RGS8: variants seen among roughly 807,000 people sequenced by gnomAD.
RGS8 encodes the protein regulator of G-protein signaling 8.
Under a neutral mutation model 21.7 loss-of-function variants are expected in RGS8, and 8 were observed. The ratio of observed to expected loss-of-function variants is 0.37; its 90% CI spans 0.22 to 0.66. The LOEUF (loss-of-function observed/expected upper bound fraction) is 0.66. Among genes scored for constraint, RGS8 ranks in the 30% least tolerant of loss-of-function variants. RGS8 has a pLI of 0.59. For missense variants in RGS8, 157 were observed against 217.9 expected (o/e 0.72, Z 1.76); for synonymous variants, 80 against 83.6 (o/e 0.96, Z 0.24).
chr1:182,665,981 G>A, exon 5 of RGS8: 1 of 1,613,392 alleles, frequency 6.2e-7, no homozygotes, highest in Non-Finnish European at 8.5e-7. Context: ...TTATGAGAGA[G>A]AAGCACATCA....
chr1:182,654,540 T>A (rs1557885951), intron 5 of RGS8, among the ~76,000 whole-genome samples: 2 of 152,176 alleles, frequency 1.3e-5, no homozygotes, highest in Non-Finnish European at 2.9e-5. Context: ...ACACATGAGA[T>A]AAAGTCACCA....
chr1:182,670,142 G>C (rs1270990712), intron 2 of RGS8, among the ~76,000 whole-genome samples: 1 of 152,200 alleles, frequency 6.6e-6, no homozygotes, highest in Admixed American at 6.5e-5. Context: ...AATCTGATTG[G>C]ATGCTGCTCT....
At chr1:182,741,921 C>CTGA in the RGS8 span, among the ~76,000 whole-genome samples, 2 of 142,174 alleles carry the variant, frequency 1.4e-5, no homozygotes, top group African/African-American at 5.2e-5. Context: ...GGCTGCCGGG[C>CTGA]GGAGACGCTC....
the RGS8 span, among the ~76,000 whole-genome samples, chr1:182,731,466 T>C: frequency 6.6e-6 from 1 of 152,260 alleles, no homozygotes; most frequent in African/African-American, 2.4e-5. Context: ...CCACCAATTA[T>C]AACGAAAACA....
upstream of RGS8, chr1:182,672,810 C>T (rs76738138): frequency 7.5e-4 from 1,209 of 1,614,118 alleles, 7 homozygotes; most frequent in African/African-American, 0.015. Flanking sequence ...TTCTTTCAAA[C>T]CTCCTTACCC....
the RGS8 span, among the ~76,000 whole-genome samples, chr1:182,713,711 T>A: frequency 3.3e-5 from 5 of 152,226 alleles, no homozygotes; most frequent in African/African-American, 1.2e-4. Flanking sequence ...AGCAATTGTT[T>A]AAATGCTCAA....
At chr1:182,703,818 C>T in the RGS8 span, among the ~76,000 whole-genome samples, 5 of 152,098 alleles carry the variant, frequency 3.3e-5, no homozygotes, top group East Asian at 3.9e-4. Flanking sequence ...GGGGTGATGC[C>T]GAGTAGGCTG....
intron 5 of RGS8, among the ~76,000 whole-genome samples, chr1:182,660,089 A>G (rs969390361): frequency 1.3e-5 from 2 of 152,180 alleles, no homozygotes; most frequent in Admixed American, 6.5e-5. Flanking sequence ...AAAGAATTTA[A>G]TATTATGTTA....
chr1:182,723,514 G>C, the RGS8 span, among the ~76,000 whole-genome samples: 3 of 152,236 alleles, frequency 2.0e-5, no homozygotes, highest in African/African-American at 7.2e-5. Flanking sequence ...GAAAGAGAGA[G>C]AGAACAAACT....
the RGS8 span, among the ~76,000 whole-genome samples, chr1:182,737,402 C>T: frequency 1.3e-5 from 2 of 152,146 alleles, no homozygotes; most frequent in African/African-American, 2.4e-5. Context: ...AATCTCATCT[C>T]GAACTGTAGC....
At chr1:182,691,300 C>A in the RGS8 span, among the ~76,000 whole-genome samples, 1 of 152,180 alleles carries the variant, frequency 6.6e-6, no homozygotes, top group Non-Finnish European at 1.5e-5. Flanking sequence ...TCCTTGAACA[C>A]CAACTATTTT....
chr1:182,720,888 T>C, the RGS8 span, among the ~76,000 whole-genome samples: 586 of 110,282 alleles, frequency 5.3e-3, 12 homozygotes, highest in Non-Finnish European at 8.3e-3. Context: ...TGTATATATA[T>C]ACACATATAT....
chr1:182,748,515 A>C, the RGS8 span, among the ~76,000 whole-genome samples: 9 of 152,222 alleles, frequency 5.9e-5, no homozygotes, highest in Non-Finnish European at 1.2e-4. Context: ...ATTGATGGAC[A>C]CTTAGGTTGA....
chr1:182,685,880 A>T (rs563724567), upstream of RGS8, among the ~76,000 whole-genome samples: 74 of 152,304 alleles, frequency 4.9e-4, no homozygotes, highest in Non-Finnish European at 8.5e-4. Context: ...CCTCCTTGTC[A>T]TGTATTAGGT....
chr1:182,747,419 T>C, the RGS8 span, among the ~76,000 whole-genome samples: 1 of 152,202 alleles, frequency 6.6e-6, no homozygotes, highest in African/African-American at 2.4e-5. Flanking sequence ...TTCACAAGTC[T>C]TTCCAGTGGT....
At chr1:182,741,918 G>A in the RGS8 span, among the ~76,000 whole-genome samples, 4 of 144,942 alleles carry the variant, frequency 2.8e-5, no homozygotes, top group South Asian at 4.4e-4. Context: ...GGTGGCTGCC[G>A]GGCGGAGACG....
At chr1:182,687,712 G>C (rs929105364), upstream of RGS8, among the ~76,000 whole-genome samples, 1 of 152,240 alleles carries the variant, frequency 6.6e-6, no homozygotes, top group African/African-American at 2.4e-5. Context: ...CCAGCACCAA[G>C]TAAGTATCTA....
At chr1:182,661,917 A>T (rs546849221) in intron 5 of RGS8, among the ~76,000 whole-genome samples, 12 of 152,282 alleles carry the variant, frequency 7.9e-5, no homozygotes, top group Non-Finnish European at 1.6e-4. Context: ...AAGGAAAAAG[A>T]TGACAAATTA....
At chr1:182,721,805 A>G in the RGS8 span, among the ~76,000 whole-genome samples, 16 of 152,238 alleles carry the variant, frequency 1.1e-4, no homozygotes, top group Non-Finnish European at 1.9e-4. Flanking sequence ...GCATGTGTGT[A>G]GCAGAGGAGA....
Sources: allele counts gnomAD v4.1 joint callset (sites outside exome capture counted in the v4.1 genomes callset), GRCh38; gene constraint gnomAD v4.1.1; transcripts MANE v1.5; gene names NCBI Gene and HGNC (gene_info 2026-07-23, HGNC 2026-07-21).